Variants in PHLDB1 observed in about 807,000 individuals in gnomAD.
The protein encoded by PHLDB1 is pleckstrin homology like domain family B member 1, also known as pleckstrin homology-like domain family B member 1.
A neutral mutation model predicts 139.3 loss-of-function variants in PHLDB1; 65 were observed. That is an observed-to-expected ratio of 0.47 (90% CI 0.38 to 0.57). PHLDB1 has a LOEUF of 0.57. Among genes scored for constraint, PHLDB1 ranks in the 20% least tolerant of loss-of-function variants. The probability of loss-of-function intolerance (pLI) is 0.00; values close to 1 mark genes in which losing one functional copy is unlikely to be tolerated. For missense variants in PHLDB1, 1,624 were observed against 1,839.7 expected (o/e 0.88, Z 2.14); for synonymous variants, 679 against 734.5 (o/e 0.92, Z 1.22).
chr11:118,607,384 G>A (rs1308780231), upstream of PHLDB1, among the ~76,000 whole-genome samples: 1 of 97,150 alleles, frequency 1.0e-5, no homozygotes, highest in Non-Finnish European at 2.2e-5. Context: ...GGTGGTGGTG[G>A]TGATGGTGGA....
At chr11:118,642,065 T>G (rs1445353042) in intron 12 of PHLDB1, 189 bp from the exon 13 acceptor site, 12 of 639,336 alleles carry the variant, frequency 1.9e-5, no homozygotes, top group East Asian at 9.0e-5. Context: ...CTCCCTTCCT[T>G]CCTCCCCTTC....
At chr11:118,641,731 C>T in intron 12 of PHLDB1, 1 of 1,289,948 alleles carries the variant, frequency 7.8e-7, no homozygotes, top group Non-Finnish European at 1.0e-6. Context: ...CACCACCTGC[C>T]TTCCTCCCAT....
chr11:118,628,238 T>A lies in PHLDB1; in HGVS notation c.1415T>A (p.Leu472Gln), dbSNP rs1447237672. Residue 472 changes from leucine (L) to glutamine (Q), a missense_variant, in exon 6 of 23, where the codon CTG becomes CAG. Coordinates refer to ENST00000600882, the MANE Select transcript of PHLDB1 (RefSeq NM_001144758.3). ...PSLSRRALSPLPTRTTPDPKL... is the reference protein window; with the variant it reads ...PSLSRRALSPQPTRTTPDPKL... ...CTGTCCCGGCGAGCTCTCTCCCCGC[T>A]GCCCACCCGGACCACCCCAGATCCC... 29 of 1,613,962 alleles carry A rather than the reference T, an allele frequency of 1.8e-5. No homozygotes were observed. The highest frequency in any genetic ancestry group is 2.5e-5 in the Non-Finnish European group (29 of 1,179,996).
chr11:118,631,408 G>A lies in PHLDB1; in HGVS notation c.2029G>A (p.Glu677Lys), dbSNP rs782041023. 3.8e-5 allele frequency: 57 copies of A among 1,487,846 alleles called. No homozygotes were observed. The highest frequency in any genetic ancestry group is 7.2e-5 in the African/African-American group (5 of 69,336). 92.2% of individuals were successfully genotyped at this position (1,487,846 alleles called of 1,614,324 possible). A position where few individuals can be genotyped will look rare whatever the true frequency, so the allele number is the denominator to read the frequency against. ...EPGVATQRLW[E>K]SMERSDEENL... ...TGGCGTTGCCACCCAACGCCTATGG[G>A]AGAGTATGGAGCGCTCAGATGAGGA... is the stretch of plus-strand genomic sequence containing the variant. Residue 677 changes from glutamate (E) to lysine (K), a missense_variant, in exon 7 of 23, where the codon GAG (glutamate) becomes AAG (lysine). Physicochemically the swap from Glu to Lys is moderately conservative, Grantham distance 56. Coordinates refer to ENST00000600882, the MANE Select transcript of PHLDB1 (RefSeq NM_001144758.3).
At chr11:118,616,818 G>A (rs1555090070) in intron 4 of PHLDB1, among the ~76,000 whole-genome samples, 2 of 152,192 alleles carry the variant, frequency 1.3e-5, no homozygotes, top group African/African-American at 4.8e-5. Flanking sequence ...GCCGAGGTGG[G>A]TGGATCACTT....
At position 118,656,969 on chromosome 11, in the gene PHLDB1, G is replaced by A; in HGVS notation, c.*146G>A. ...GAAGAAAAGTAGAGGTGGCTTTGCT[G>A]CCTCCTGGGAGCCCAGAACTTGCAG... On this transcript the variant is annotated 3_prime_UTR_variant, in exon 23 of 23. Coordinates refer to ENST00000600882, the MANE Select transcript of PHLDB1 (RefSeq NM_001144758.3). The A allele has an allele frequency of 2.9e-6, 2 of 693,178 alleles. No individual in the cohort carries two copies. The highest frequency in any genetic ancestry group is 4.7e-6 in the Non-Finnish European group (2 of 426,646). The allele number at this position is 693,178 out of a possible 1,614,324, so 42.9% of individuals were successfully genotyped here.
rs1355055193 is a variant in PHLDB1 at position 118,620,323 on chromosome 11, T to G, written c.355+4112T>G. On this transcript the variant is annotated intron_variant, in intron 4 of 22. Transcript: ENST00000600882. This position sits in a 1 kb window ranked among gnomAD's most constrained non-coding sequence, Gnocchi z 4.1. ...GCCTGACCAACATGGAGAAACCCCA[T>G]CTCTACTAAAAATACAAAATTTGCT... Among the ~76,000 whole-genome samples the G allele has an allele frequency of 6.6e-6, 1 of 152,142 alleles. No homozygotes were observed. The highest frequency in any genetic ancestry group is 2.4e-5 in the African/African-American group (1 of 41,440).
upstream of PHLDB1, among the ~76,000 whole-genome samples, chr11:118,607,392 G>A (rs1296733339): frequency 1.4e-5 from 2 of 143,640 alleles, no homozygotes; most frequent in Non-Finnish European, 3.0e-5. Context: ...TGGTGATGGT[G>A]GAGAGCCCAG....
chr11:118,619,728 G>C (rs1376842981), intron 4 of PHLDB1, among the ~76,000 whole-genome samples: 1 of 152,092 alleles, frequency 6.6e-6, no homozygotes, highest in Admixed American at 6.5e-5. Flanking sequence ...TTTTTCCTCA[G>C]AAGGGAATAA....
In PHLDB1 at chr11:118,632,867, A is replaced by G; in HGVS notation, c.2379+571A>G. The stretch of plus-strand genomic sequence containing the variant: ...CCCAACACCGTGCCAAAAGCTCTGA[A>G]GTGGAGAGGGGTCATCTATTTCTGG... On this transcript the variant is annotated intron_variant, in intron 9 of 22. Transcript: ENST00000600882. This position sits in a 1 kb window ranked among gnomAD's most constrained non-coding sequence, Gnocchi z 5.9. The G allele has an allele frequency of 9.2e-6, 9 of 983,264 alleles. No homozygotes were observed. Among genetic ancestry groups the G allele is most frequent in the Non-Finnish European group, 1.1e-5 (9 of 827,924 alleles). The allele number at this position is 983,264 out of a possible 1,614,324, so 60.9% of individuals were successfully genotyped here.
rs782409306 is a variant in PHLDB1 at position 118,638,878 on chromosome 11, C to T, written c.2536-13C>T. 3.8e-6 allele frequency: 6 copies of T among 1,594,556 alleles called. No individual in the cohort carries two copies. Among genetic ancestry groups the T allele is most frequent in the Non-Finnish European group, 5.1e-6 (6 of 1,168,238 alleles). On this transcript the variant is annotated splice_polypyrimidine_tract_variant and intron_variant, in intron 10 of 22. Coordinates refer to ENST00000600882, the MANE Select transcript of PHLDB1 (RefSeq NM_001144758.3). ...TCTCCCCAGGGCCTGATCAACCACC[C>T]CATCTCCTTTAGGAGCGCCTGGCCA...
chr11:118,623,439 C>T (rs1161589656), intron 4 of PHLDB1, among the ~76,000 whole-genome samples: 2 of 152,208 alleles, frequency 1.3e-5, no homozygotes, highest in Admixed American at 1.3e-4. Flanking sequence ...GCTACATTTT[C>T]CAGCTCCCAC....
Position 118,610,021 on chromosome 11 carries a change from C to G in PHLDB1, c.-22+2322C>G, listed in dbSNP as rs1228883791. On this transcript the variant is annotated intron_variant, in intron 1 of 22. Coordinates refer to ENST00000600882, the MANE Select transcript of PHLDB1 (RefSeq NM_001144758.3). This position sits in a 1 kb window ranked among gnomAD's most constrained non-coding sequence, Gnocchi z 8.7. ...CCTCTCCTTCGCCCCATCTCCCCGCCCGTCAGCCTCCCCTCCGCTGCCCTC... is the reference window on the plus strand; with the variant it reads ...CCTCTCCTTCGCCCCATCTCCCCGCGCGTCAGCCTCCCCTCCGCTGCCCTC... 6.6e-6 allele frequency among the ~76,000 whole-genome samples: 1 copy of G among 151,982 alleles called. No homozygotes were observed. Among genetic ancestry groups the G allele is most frequent in the African/African-American group, 2.4e-5 (1 of 41,374 alleles).
rs782328527 is a variant in PHLDB1 at position 118,645,290 on chromosome 11, C to T, written c.3122-66C>T. On this transcript the variant is annotated intron_variant, in intron 15 of 22. Coordinates refer to ENST00000600882, the MANE Select transcript of PHLDB1 (RefSeq NM_001144758.3). The surrounding 1 kb of genome is among the most constrained non-coding windows in gnomAD (Gnocchi z 5.1). ...CTTGCCCCTCCCTCTGTGTGTTGTG[C>T]TGCCAGTGGCCTGCTCCTTAGCTGC... is the stretch of plus-strand genomic sequence containing the variant. 303 of 1,272,498 alleles carry T rather than the reference C, an allele frequency of 2.4e-4. No individual in the cohort carries two copies. Among genetic ancestry groups the T allele is most frequent in the Non-Finnish European group, 3.1e-4 (292 of 929,328 alleles). 78.8% of individuals were successfully genotyped at this position (1,272,498 alleles called of 1,614,324 possible). A position where few individuals can be genotyped will look rare whatever the true frequency, so the allele number is the denominator to read the frequency against.
At chr11:118,612,553 TG>T (rs2135704672) in intron 1 of PHLDB1, among the ~76,000 whole-genome samples, 1 of 152,298 alleles carries the variant, frequency 6.6e-6, no homozygotes, top group Non-Finnish European at 1.5e-5. Flanking sequence ...CCCTCTTCCC[TG>T]GCAGTCTTGG....
At chr11:118,626,387 CT>C (rs539525601) in intron 5 of PHLDB1, among the ~76,000 whole-genome samples, 2 of 150,624 alleles carry the variant, frequency 1.3e-5, no homozygotes, top group African/African-American at 2.4e-5. Context: ...TTTCTTTTTT[CT>C]TTTTTTTTGT....
chr11:118,650,836 T>C lies in PHLDB1; in HGVS notation c.3874+289T>C. 1 of 452,432 alleles carries C rather than the reference T, an allele frequency of 2.2e-6. No individual in the cohort carries two copies. The allele number at this position is 452,432 out of a possible 1,614,324, so 28.0% of individuals were successfully genotyped here. A position where few individuals can be genotyped will look rare whatever the true frequency, so the allele number is the denominator to read the frequency against. On this transcript the variant is annotated intron_variant, in intron 20 of 22. Transcript: ENST00000600882. This position sits in a 1 kb window ranked among gnomAD's most constrained non-coding sequence, Gnocchi z 4.7. ...GATGGCCACAGCGCTCTCATGGAGC[T>C]TATAATCAGGGAAGCAGACAAGAGT...
rs782233380 is a variant in PHLDB1, at chr11:118,624,929, T to C, written c.356-5T>C. 1.2e-6 allele frequency: 2 copies of C among 1,614,088 alleles called. No homozygotes were observed. Among genetic ancestry groups the C allele is most frequent in the Non-Finnish European group, 1.7e-6 (2 of 1,179,952 alleles). ...CTGGTCTTCAAGTGTTTGCTTTCTC[T>C]GCAGGCTGCATGTTGTGCCTGGGTC... On this transcript the variant is annotated splice_region_variant and splice_polypyrimidine_tract_variant and intron_variant, in intron 4 of 22. Transcript: ENST00000600882.
In PHLDB1 at chr11:118,635,491, C is replaced by A. The variant is rs140448240; in HGVS notation, c.2478C>A (p.Ala826=). The A allele has an allele frequency of 1.2e-6, 2 of 1,610,122 alleles. No homozygotes were observed. The highest frequency in any genetic ancestry group is 1.7e-6 in the Non-Finnish European group (2 of 1,178,560). The change falls in exon 10 of 23, where the codon GCC becomes GCA. Residue 826 remains alanine, a synonymous_variant. Transcript: ENST00000600882. ...GCGTGGAGGAGGAGCGCGAGCTGGC[C>A]GGCCAGGGGCTGCTCCGGAGCAAGG... ...ESRVEEEREL[A]GQGLLRSKAE... is the part of the protein sequence containing the mutation.
Sources: gnomAD v4.1 joint callset for allele counts (sites outside exome capture counted in the v4.1 genomes callset) on GRCh38, gnomAD v4.1.1 for gene constraint, Gnocchi (gnomAD v3.1) non-coding constraint, MANE v1.5 for transcripts, NCBI Gene and HGNC (gene_info 2026-07-23, HGNC 2026-07-21) for gene names.